Variants in TMEM114 observed in about 807,000 individuals in gnomAD.
TMEM114 encodes claudin-26.
In TMEM114, 6 loss-of-function variants were observed where a neutral mutation model predicts 6.2. That is an observed-to-expected ratio of 0.97 (90% CI 0.53 to 1.91). The LOEUF is 1.91. Among genes scored for constraint, TMEM114 ranks in the 40% most tolerant of loss-of-function variants. The pLI is 0.01. For synonymous variants in TMEM114, 104 were observed against 73.0 expected (o/e 1.42, Z -2.16); for missense variants, 218 against 158.3 (o/e 1.38, Z -2.02).
chr16:8,555,359 C>G (rs535908607), intron 2 of TMEM114, among the ~76,000 whole-genome samples: 1 of 152,240 alleles, frequency 6.6e-6, no homozygotes, highest in African/African-American at 2.4e-5. Flanking sequence ...AGGCAATGTG[C>G]TAAGAGTAGC....
intron 2 of TMEM114, among the ~76,000 whole-genome samples, chr16:8,542,928 C>T (rs986910863): frequency 6.6e-6 from 1 of 152,166 alleles, no homozygotes; most frequent in African/African-American, 2.4e-5. Flanking sequence ...CAAACTGCCG[C>T]TTATCATCTC....
chr16:8,558,502 A>G (rs1486533301), intron 2 of TMEM114, among the ~76,000 whole-genome samples: 2 of 152,206 alleles, frequency 1.3e-5, no homozygotes, highest in African/African-American at 2.4e-5. Context: ...CCCTAACCCA[A>G]TGTAACTTCA....
At position 8,550,749 on chromosome 16, in the gene TMEM114, C is replaced by T. The variant is rs931802030; in HGVS notation, n.213-12923G>A. On this transcript the variant is annotated intron_variant and non_coding_transcript_variant, in intron 2 of 2. Transcript: ENST00000623677. The stretch of plus-strand genomic sequence containing the variant: ...ACAAACACTGGTCCCTCCTAACACT[C>T]CAGCTCTTGGGGCTCTGAATGTTCA... Among the ~76,000 whole-genome samples, 74 of 151,920 alleles carry T rather than the reference C, an allele frequency of 4.9e-4. 1 individual carries two copies. Among genetic ancestry groups the T allele is most frequent in the Non-Finnish European group, 2.8e-4 (19 of 67,976 alleles).
intron 2 of TMEM114, among the ~76,000 whole-genome samples, chr16:8,554,154 G>A (rs4786262): frequency 0.42 from 63,423 of 151,624 alleles, 13,619 homozygotes; most frequent in East Asian, 0.52. Flanking sequence ...CTACTTCACT[G>A]TAACAGAACA....
the TMEM114 span, among the ~76,000 whole-genome samples, chr16:8,528,798 C>G: frequency 1.3e-5 from 2 of 152,242 alleles, no homozygotes; most frequent in African/African-American, 4.8e-5. Context: ...TTCTGGCCAT[C>G]ACTCACTGAG....
At chr16:8,566,326 G>A (rs948520805), downstream of TMEM114, among the ~76,000 whole-genome samples, 2 of 148,820 alleles carry the variant, frequency 1.3e-5, no homozygotes, top group Non-Finnish European at 3.0e-5. Flanking sequence ...GGAGTGAGCC[G>A]AGATTGAGCC....
the TMEM114 span, among the ~76,000 whole-genome samples, chr16:8,529,407 C>G: frequency 6.6e-6 from 1 of 152,196 alleles, no homozygotes; most frequent in Non-Finnish European, 1.5e-5. Context: ...TCGCTGGAAG[C>G]AGCAAAGTGG....
At chr16:8,579,639 G>A (rs191674116) in intron 2 of TMEM114, among the ~76,000 whole-genome samples, 2 of 152,204 alleles carry the variant, frequency 1.3e-5, no homozygotes, top group Non-Finnish European at 1.5e-5. Context: ...CCTCGTTTTC[G>A]TCACCTGTCA....
intron 2 of TMEM114, among the ~76,000 whole-genome samples, chr16:8,558,699 T>C (rs1025125638): frequency 1.3e-5 from 2 of 151,806 alleles, no homozygotes; most frequent in Admixed American, 6.6e-5. Context: ...CAGGGCCCCA[T>C]TGACAGAAGG....
intron 2 of TMEM114, among the ~76,000 whole-genome samples, chr16:8,560,689 G>C (rs143240457): frequency 1.3e-5 from 2 of 152,296 alleles, no homozygotes; most frequent in East Asian, 3.9e-4. Context: ...TCAGGCTCCT[G>C]TCTGTCATTC....
At chr16:8,539,413 C>T (rs144609931) in intron 2 of TMEM114, among the ~76,000 whole-genome samples, 5 of 152,308 alleles carry the variant, frequency 3.3e-5, no homozygotes, top group African/African-American at 9.6e-5. Flanking sequence ...GCTCCAGCTC[C>T]GCAAAGCCTC....
intron 2 of TMEM114, among the ~76,000 whole-genome samples, chr16:8,559,308 G>T (rs1901125154): frequency 6.6e-6 from 1 of 152,204 alleles, no homozygotes; most frequent in Non-Finnish European, 1.5e-5. Context: ...CTCCCAAAAC[G>T]CTGGGATTAT....
chr16:8,534,399 A>C (rs7200585), downstream of TMEM114, among the ~76,000 whole-genome samples: 1 of 151,714 alleles, frequency 6.6e-6, no homozygotes, highest in Non-Finnish European at 1.5e-5. Context: ...ATCACTTATC[A>C]TACTCCTACA....
downstream of TMEM114, among the ~76,000 whole-genome samples, chr16:8,569,084 T>C (rs1253646957): frequency 6.6e-6 from 1 of 152,180 alleles, no homozygotes; most frequent in Non-Finnish European, 1.5e-5. Context: ...CCATAGAGTC[T>C]GGGGCGCGCT....
At chr16:8,533,320 G>A (rs1900268964), downstream of TMEM114, among the ~76,000 whole-genome samples, 1 of 152,336 alleles carries the variant, frequency 6.6e-6, no homozygotes, top group East Asian at 1.9e-4. Flanking sequence ...CCAGCCGTGG[G>A]AAGATCCCAA....
chr16:8,556,335 T>A (rs1362180548), intron 2 of TMEM114, among the ~76,000 whole-genome samples: 1 of 152,164 alleles, frequency 6.6e-6, no homozygotes, highest in Admixed American at 6.5e-5. Flanking sequence ...GCCTCCTCCA[T>A]AGAACTCCCC....
chr16:8,552,108 C>T (rs1900862953), intron 2 of TMEM114, among the ~76,000 whole-genome samples: 1 of 151,930 alleles, frequency 6.6e-6, no homozygotes. Flanking sequence ...GGCACAGCGG[C>T]TCACACCTGT....
At chr16:8,545,929 A>G (rs1006561308) in intron 2 of TMEM114, among the ~76,000 whole-genome samples, 2 of 152,164 alleles carry the variant, frequency 1.3e-5, no homozygotes, top group Non-Finnish European at 1.5e-5. Context: ...AGCCTGGGCA[A>G]CATAGCAAGA....
rs1199436067 is a variant in TMEM114 at position 8,564,203 on chromosome 16, G to T, written n.212+25010C>A. Reference sequence around the variant, plus strand: ...TGAGTGAGTGCATGAATGAGTGAGTGGGTGAATGAGTGAGTTAGTGAATGA... The same window carrying T: ...TGAGTGAGTGCATGAATGAGTGAGTTGGTGAATGAGTGAGTTAGTGAATGA... On this transcript the variant is annotated intron_variant and non_coding_transcript_variant, in intron 2 of 2. Coordinates refer to the TMEM114 transcript ENST00000623677. 7.4e-5 allele frequency among the ~76,000 whole-genome samples: 11 copies of T among 147,904 alleles called. 1 individual carries two copies. Among genetic ancestry groups the T allele is most frequent in the Admixed American group, 4.7e-4 (7 of 14,886 alleles).
Sources: allele counts gnomAD v4.1 joint callset (sites outside exome capture counted in the v4.1 genomes callset), GRCh38; gene constraint gnomAD v4.1.1; transcripts MANE v1.5; gene names NCBI Gene and HGNC (gene_info 2026-07-23, HGNC 2026-07-21).